LANCL3: variants seen among roughly 807,000 people sequenced by gnomAD.
The protein encoded by LANCL3 is LanC like family member 3.
A neutral mutation model predicts 26.5 loss-of-function variants in LANCL3; 19 were observed. The observed-to-expected ratio is 0.72, with a 90% CI of 0.50 to 1.05. The LOEUF (loss-of-function observed/expected upper bound fraction) is 1.05, where lower values mean the gene tolerates loss of function less well. Ranked by LOEUF, LANCL3 falls within the 50% of genes least tolerant of loss-of-function variation. The pLI, the probability that LANCL3 is intolerant of heterozygous loss-of-function variation, is 0.00. For synonymous variants in LANCL3, 160 were observed against 166.6 expected, an observed-to-expected ratio of 0.96 and a Z score of 0.30; for missense variants, 318 against 362.7, an observed-to-expected ratio of 0.88 and a Z score of 1.00.
intron 1 of LANCL3, among the ~76,000 whole-genome samples, chrX:37,588,393 C>T (rs781867874): frequency 9.0e-6 from 1 of 111,413 alleles, no homozygotes; most frequent in African/African-American, 3.3e-5. Flanking sequence ...AGTACCATGT[C>T]TTGACTGGTT....
At position 37,677,910 on chromosome X, in the gene LANCL3, G is replaced by C. The variant is rs1458969831; in HGVS notation, c.*2097G>C. On this transcript the variant is annotated 3_prime_UTR_variant, in exon 5 of 5. Transcript: ENST00000378619. Reference sequence around the variant, plus strand: ...AAGCTACCTTCTGTTTCCATTTGCTGTTCCTTTCACAATTCATCCTTGAGA... The same window carrying C: ...AAGCTACCTTCTGTTTCCATTTGCTCTTCCTTTCACAATTCATCCTTGAGA... The C allele has an allele frequency of 2.7e-5, 3 of 111,795 alleles. No homozygotes were observed. The highest frequency in any genetic ancestry group is 5.7e-5 in the Non-Finnish European group (3 of 53,053). 9.2% of individuals were successfully genotyped at this position (111,795 alleles called of 1,213,427 possible). A position where few individuals can be genotyped will look rare whatever the true frequency, so the allele number is the denominator to read the frequency against.
At chrX:37,635,398 T>C (rs1925678616) in intron 1 of LANCL3, among the ~76,000 whole-genome samples, 1 of 112,182 alleles carries the variant, frequency 8.9e-6, no homozygotes, top group African/African-American at 3.2e-5. Flanking sequence ...TGCTGTAACA[T>C]GAATATATAT....
At chrX:37,632,962 G>T (rs1325160451) in intron 1 of LANCL3, among the ~76,000 whole-genome samples, 2 of 110,208 alleles carry the variant, frequency 1.8e-5, no homozygotes, top group African/African-American at 6.6e-5. Flanking sequence ...GAGTATCTTT[G>T]TGGCATTCTC....
At chrX:37,599,460 G>A (rs1924525027) in intron 1 of LANCL3, among the ~76,000 whole-genome samples, 1 of 111,793 alleles carries the variant, frequency 8.9e-6, no homozygotes, top group Non-Finnish European at 1.9e-5. Context: ...GCTAGGTGAT[G>A]CCAGTGCTGC....
chrX:37,642,118 G>A (rs1925879814), intron 1 of LANCL3, among the ~76,000 whole-genome samples: 2 of 112,023 alleles, frequency 1.8e-5, no homozygotes, highest in African/African-American at 6.5e-5. Flanking sequence ...AAAATCAATT[G>A]CAACCTTGTG....
chrX:37,608,046 T>C (rs1924765419), intron 1 of LANCL3, among the ~76,000 whole-genome samples: 1 of 112,241 alleles, frequency 8.9e-6, no homozygotes, highest in African/African-American at 3.2e-5. Flanking sequence ...TATGCCAAGA[T>C]ATTACAGTAC....
At chrX:37,617,205 T>C (rs1925033413) in intron 1 of LANCL3, among the ~76,000 whole-genome samples, 1 of 110,761 alleles carries the variant, frequency 9.0e-6, no homozygotes, top group African/African-American at 3.3e-5. Context: ...GGAGGGGCCG[T>C]TGGAGGATGA....
chrX:37,653,970 A>G (rs917628008), intron 1 of LANCL3, among the ~76,000 whole-genome samples: 1 of 110,607 alleles, frequency 9.0e-6, no homozygotes, highest in Non-Finnish European at 1.9e-5. Context: ...CATCTTACCT[A>G]CTCTGCATTA....
At chrX:37,638,643 G>A (rs3126419) in intron 1 of LANCL3, among the ~76,000 whole-genome samples, 19,251 of 111,181 alleles carry the variant, frequency 0.17, 1,173 homozygotes, top group South Asian at 0.2. Context: ...AAAAATTGAA[G>A]TATAGTTTAC....
chrX:37,655,443 C>T (rs1926258261), intron 1 of LANCL3, among the ~76,000 whole-genome samples: 1 of 111,877 alleles, frequency 8.9e-6, no homozygotes, highest in African/African-American at 3.2e-5. Context: ...TTATAGCAAC[C>T]TATAGCTGTA....
At chrX:37,612,014 C>G (rs1401725666) in intron 1 of LANCL3, among the ~76,000 whole-genome samples, 1 of 110,827 alleles carries the variant, frequency 9.0e-6, no homozygotes, top group Admixed American at 9.6e-5. Context: ...GATCTCGGCT[C>G]ACTGCAAGCT....
At position 37,592,026 on chromosome X, in the gene LANCL3, C is replaced by A. The variant is rs12557297; in HGVS notation, c.573+19583C>A. On this transcript the variant is annotated intron_variant, in intron 1 of 4. Transcript: ENST00000378619. The stretch of plus-strand genomic sequence containing the variant: ...CAGCTTTGAGGCCCAAGGCACAGTC[C>A]AGGGCACAGTCAGTGGTACTTCACT... Among the ~76,000 whole-genome samples the A allele has an allele frequency of 1.0e-2, 1,106 of 111,015 alleles. 7 individuals are homozygous for A. Among genetic ancestry groups the A allele is most frequent in the African/African-American group, 0.034 (1,043 of 30,371 alleles).
At chrX:37,637,486 A>G (rs1045641037) in intron 1 of LANCL3, among the ~76,000 whole-genome samples, 5 of 111,507 alleles carry the variant, frequency 4.5e-5, no homozygotes, top group Non-Finnish European at 9.4e-5. Context: ...CTGATAAAAG[A>G]GAATACATGC....
intron 1 of LANCL3, among the ~76,000 whole-genome samples, chrX:37,641,177 A>G (rs1941380148): frequency 1.8e-5 from 2 of 111,261 alleles, no homozygotes; most frequent in South Asian, 7.5e-4. Flanking sequence ...ACATAACAAA[A>G]CTGCTGCTTT....
chrX:37,592,308 G>A (rs1364157996), intron 1 of LANCL3, among the ~76,000 whole-genome samples: 4 of 112,517 alleles, frequency 3.6e-5, no homozygotes, highest in East Asian at 2.8e-4. Flanking sequence ...GCTAAAGCCC[G>A]CCAACTGGCT....
At position 37,634,280 on chromosome X, in the gene LANCL3, G is replaced by A. The variant is rs61537690; in HGVS notation, c.574-21408G>A. ...TCCTGGTGCGCCGTTTTTTAAGCCC[G>A]TTGGAAAAGCGCAGTATTAGGGTGG... On this transcript the variant is annotated intron_variant, in intron 1 of 4. Transcript: ENST00000378619. Among the ~76,000 whole-genome samples the A allele has an allele frequency of 7.6e-3, 857 of 112,711 alleles. 1 individual carries two copies. Among genetic ancestry groups the A allele is most frequent in the African/African-American group, 0.026 (809 of 31,076 alleles).
Position 37,659,571 on chromosome X carries a change from A to G in LANCL3, c.807A>G (p.Glu269=), listed in dbSNP as rs781929232. ...LVWQSVDFLM[E]QEQNCNWPPE... ...GGCAGAGCGTGGACTTTCTCATGGAACAGGAACAAAACTGCAACTGGCCAC... is the reference window on the plus strand; with the variant it reads ...GGCAGAGCGTGGACTTTCTCATGGAGCAGGAACAAAACTGCAACTGGCCAC... The change falls in exon 3 of 5, where the codon GAA becomes GAG. Residue 269 remains glutamate, a synonymous_variant. Coordinates refer to ENST00000378619, the MANE Select transcript of LANCL3 (RefSeq NM_001170331.2). 1.8e-5 allele frequency: 22 copies of G among 1,208,331 alleles called. No individual in the cohort carries two copies. The East Asian group carries it at 6.2e-4, about 34-fold the overall frequency.
At chrX:37,654,732 G>A (rs1926241406) in intron 1 of LANCL3, among the ~76,000 whole-genome samples, 1 of 111,887 alleles carries the variant, frequency 8.9e-6, no homozygotes, top group South Asian at 3.8e-4. Flanking sequence ...CGGTTGTGAA[G>A]GACCCCCCTC....
chrX:37,654,659 A>C (rs1556430293), intron 1 of LANCL3, among the ~76,000 whole-genome samples: 1 of 111,289 alleles, frequency 9.0e-6, no homozygotes, highest in Admixed American at 9.6e-5. Flanking sequence ...GCGAATAAAG[A>C]ATGAAGGGAG....
Sources: allele counts gnomAD v4.1 joint callset (sites outside exome capture counted in the v4.1 genomes callset), GRCh38; gene constraint gnomAD v4.1.1; transcripts MANE v1.5; gene names NCBI Gene and HGNC (gene_info 2026-07-23, HGNC 2026-07-21).